SLC35F4: variants seen among roughly 807,000 people sequenced by gnomAD.
SLC35F4 encodes the protein solute carrier family 35 member F4, also known as chromosome 14 open reading frame 36.
A neutral mutation model predicts 44.2 loss-of-function variants in SLC35F4; 24 were observed. That is an observed-to-expected ratio of 0.54 (90% CI 0.39 to 0.76). SLC35F4 has a LOEUF of 0.76. SLC35F4 is among the 30% of genes least tolerant of loss of function. The pLI, the probability that SLC35F4 is intolerant of heterozygous loss-of-function variation, is 0.00. For synonymous variants in SLC35F4, 238 were observed against 223.6 expected (o/e 1.06, Z -0.57); for missense variants, 562 against 586.1 (o/e 0.96, Z 0.42).
At chr14:57,758,693 C>T (rs896454272) in intron 1 of SLC35F4, among the ~76,000 whole-genome samples, 5 of 151,406 alleles carry the variant, frequency 3.3e-5, no homozygotes, top group African/African-American at 9.7e-5. Context: ...TATTTTTAAG[C>T]GTGGTAATCT....
chr14:57,969,930 AAAGTCTCACACT>A (rs1239132002), intron 1 of SLC35F4, among the ~76,000 whole-genome samples: 23 of 152,302 alleles, frequency 1.5e-4, no homozygotes, highest in African/African-American at 5.3e-4. Flanking sequence ...AGCCCCCACA[AAAGTCTCACACT>A]AAGTGCTTAT....
chr14:57,757,517 A>T (rs552945775), intron 1 of SLC35F4, among the ~76,000 whole-genome samples: 20 of 151,414 alleles, frequency 1.3e-4, no homozygotes, highest in Admixed American at 5.9e-4. Flanking sequence ...TGGCTTATTA[A>T]CTATAATTCT....
chr14:57,865,639 G>T, intron 1 of SLC35F4, 84 bp downstream of exon 1: 2 of 1,161,052 alleles, frequency 1.7e-6, no homozygotes, highest in Non-Finnish European at 2.4e-6. Context: ...CGTACCGCGC[G>T]CCCGCCCGTC....
intron 1 of SLC35F4, among the ~76,000 whole-genome samples, chr14:57,937,689 T>C (rs1889840465): frequency 1.3e-5 from 2 of 151,452 alleles, no homozygotes. Context: ...GGATAAAAGA[T>C]CTGGCTATTT....
chr14:57,600,667 G>A (rs2070763029), intron 1 of SLC35F4, among the ~76,000 whole-genome samples: 2 of 110,288 alleles, frequency 1.8e-5, no homozygotes, highest in Non-Finnish European at 1.8e-5. Context: ...ACTCCAGCCT[G>A]GGCGACAGAG....
intron 1 of SLC35F4, among the ~76,000 whole-genome samples, chr14:57,623,551 T>A (rs1217323521): frequency 6.6e-6 from 1 of 152,154 alleles, no homozygotes; most frequent in African/African-American, 2.4e-5. Flanking sequence ...ATTGACCACA[T>A]AATTGGAAAA....
intron 3 of SLC35F4, among the ~76,000 whole-genome samples, chr14:57,587,461 G>A (rs568828443): frequency 2.0e-5 from 3 of 152,140 alleles, no homozygotes; most frequent in Admixed American, 1.3e-4. Context: ...AGATGAGTTC[G>A]TGTCCTTTGC....
intron 1 of SLC35F4, among the ~76,000 whole-genome samples, chr14:57,930,298 G>A (rs1023467929): frequency 2.0e-5 from 3 of 152,188 alleles, no homozygotes; most frequent in African/African-American, 7.2e-5. Flanking sequence ...AAGGAAAATT[G>A]TGAGGCAGAA....
At chr14:57,863,554 C>T (rs1035450767) in intron 1 of SLC35F4, among the ~76,000 whole-genome samples, 7 of 152,188 alleles carry the variant, frequency 4.6e-5, no homozygotes, top group African/African-American at 1.7e-4. Flanking sequence ...TTTTTCCAGA[C>T]TTCCCCTAAG....
intron 3 of SLC35F4, among the ~76,000 whole-genome samples, chr14:57,587,209 A>T (rs1042131249): frequency 4.6e-5 from 7 of 152,200 alleles, no homozygotes; most frequent in Admixed American, 4.6e-4. Context: ...TGGAAGACAG[A>T]CAGTGTGGCA....
chr14:57,606,449 T>G (rs979664802), intron 1 of SLC35F4, among the ~76,000 whole-genome samples: 4 of 152,194 alleles, frequency 2.6e-5, no homozygotes, highest in African/African-American at 4.8e-5. Flanking sequence ...ATTTGTTTTC[T>G]ATTTCTGGAT....
intron 1 of SLC35F4, among the ~76,000 whole-genome samples, chr14:57,751,575 T>G (rs1291172748): frequency 6.6e-6 from 1 of 152,224 alleles, no homozygotes; most frequent in East Asian, 1.9e-4. Flanking sequence ...TTACTTTAAG[T>G]TGTGAAATCC....
chr14:57,951,811 T>C (rs762838726), intron 1 of SLC35F4, among the ~76,000 whole-genome samples: 15 of 152,090 alleles, frequency 9.9e-5, no homozygotes, highest in Non-Finnish European at 1.8e-4. Flanking sequence ...AAAACTCCCA[T>C]CTCCCTGGGA....
chr14:57,926,360 C>T (rs1889568597), intron 1 of SLC35F4, among the ~76,000 whole-genome samples: 1 of 152,190 alleles, frequency 6.6e-6, no homozygotes, highest in South Asian at 2.1e-4. Flanking sequence ...CTACTTTCAC[C>T]GAGGAAATTT....
intron 1 of SLC35F4, among the ~76,000 whole-genome samples, chr14:57,908,426 C>T (rs935777393): frequency 1.3e-5 from 2 of 152,190 alleles, no homozygotes; most frequent in South Asian, 2.1e-4. Context: ...AAAAGCATTC[C>T]TATTTCTCCA....
At chr14:57,641,185 A>G (rs776670037) in intron 1 of SLC35F4, among the ~76,000 whole-genome samples, 1 of 149,734 alleles carries the variant, frequency 6.7e-6, no homozygotes, top group Non-Finnish European at 1.5e-5. Context: ...AAAAGCACCT[A>G]TTGCATCCTA....
chr14:57,671,905 G>A, intron 1 of SLC35F4, among the ~76,000 whole-genome samples: 1 of 152,022 alleles, frequency 6.6e-6, no homozygotes, highest in East Asian at 1.9e-4. Context: ...GACATTACTT[G>A]AAACCACATT....
chr14:57,976,384 T>C (rs1881219033), downstream of SLC35F4, among the ~76,000 whole-genome samples: 2 of 152,208 alleles, frequency 1.3e-5, no homozygotes, highest in Admixed American at 1.3e-4. Context: ...CACTTCTTAA[T>C]AGCTAGCAGA....
intron 1 of SLC35F4, among the ~76,000 whole-genome samples, chr14:57,910,279 G>A (rs1889191500): frequency 6.6e-6 from 1 of 151,808 alleles, no homozygotes. Context: ...ATTGTATTTT[G>A]CAGAGAAGAA....
Sources: gnomAD v4.1 joint callset for allele counts (sites outside exome capture counted in the v4.1 genomes callset) on GRCh38, gnomAD v4.1.1 for gene constraint, MANE v1.5 for transcripts, NCBI Gene and HGNC (gene_info 2026-07-23, HGNC 2026-07-21) for gene names.